Variants in NKAIN3 observed in about 807,000 individuals in gnomAD.
NKAIN3 encodes sodium/potassium transporting ATPase interacting 3.
Under a neutral mutation model 30.2 loss-of-function variants are expected in NKAIN3, and 25 were observed. The observed-to-expected ratio is 0.83, with a 90% confidence interval of 0.60 to 1.16. NKAIN3 has a LOEUF of 1.16. Among genes scored for constraint, NKAIN3 ranks in the 50% most tolerant of loss-of-function variants. The probability of loss-of-function intolerance (pLI) is 0.00; values close to 1 mark genes in which losing one functional copy is unlikely to be tolerated. For missense variants in NKAIN3, 225 were observed against 254.1 expected, an observed-to-expected ratio of 0.89 and a Z score of 0.78; for synonymous variants, 91 against 89.6, an observed-to-expected ratio of 1.02 and a Z score of -0.09.
chr8:62,808,052 G>T (rs1223198340), intron 4 of NKAIN3, among the ~76,000 whole-genome samples: 1 of 151,948 alleles, frequency 6.6e-6, no homozygotes, highest in Admixed American at 6.6e-5. Context: ...ACACAATAAA[G>T]TCTTTATAGC....
At chr8:62,880,358 A>G (rs1820936601) in intron 4 of NKAIN3, among the ~76,000 whole-genome samples, 1 of 152,144 alleles carries the variant, frequency 6.6e-6, no homozygotes, top group Non-Finnish European at 1.5e-5. Context: ...CTCCAATCAG[A>G]TGACTTAACA....
intron 3 of NKAIN3, among the ~76,000 whole-genome samples, chr8:62,740,178 A>G (rs772378614): frequency 1.4e-4 from 22 of 152,346 alleles, no homozygotes; most frequent in Admixed American, 1.2e-3. Context: ...TTAGAAAAAT[A>G]AGACATTTGC....
At chr8:62,569,659 C>G (rs989480100) in intron 1 of NKAIN3, among the ~76,000 whole-genome samples, 1 of 151,958 alleles carries the variant, frequency 6.6e-6, no homozygotes, top group Non-Finnish European at 1.5e-5. Flanking sequence ...ACCTGTATTC[C>G]CAGCTGCTTT....
At chr8:62,684,605 C>T (rs536994402) in intron 3 of NKAIN3, among the ~76,000 whole-genome samples, 22 of 152,304 alleles carry the variant, frequency 1.4e-4, no homozygotes, top group Non-Finnish European at 3.1e-4. Flanking sequence ...TACCTAACAC[C>T]TCTGTTCTCA....
chr8:62,703,381 A>G (rs1008646063), intron 3 of NKAIN3, among the ~76,000 whole-genome samples: 1 of 152,192 alleles, frequency 6.6e-6, no homozygotes, highest in East Asian at 1.9e-4. Flanking sequence ...ATAATTATTA[A>G]AGCTAGGCTT....
chr8:62,314,109 C>T (rs183077594), intron 1 of NKAIN3, among the ~76,000 whole-genome samples: 43 of 152,148 alleles, frequency 2.8e-4, no homozygotes, highest in East Asian at 1.5e-3. Context: ...CAAGTTTCTT[C>T]CCAGGCACTC....
intron 1 of NKAIN3, among the ~76,000 whole-genome samples, chr8:62,318,381 C>T (rs541795472): frequency 6.6e-6 from 1 of 152,270 alleles, no homozygotes; most frequent in East Asian, 1.9e-4. Flanking sequence ...TGCCAGCTTT[C>T]AAAGGGAATG....
chr8:62,351,726 T>C (rs906659471), intron 1 of NKAIN3, among the ~76,000 whole-genome samples: 4 of 152,184 alleles, frequency 2.6e-5, no homozygotes, highest in African/African-American at 9.6e-5. Flanking sequence ...CATCATAATA[T>C]GAAATTGACC....
At chr8:62,642,916 AAAAT>A in intron 3 of NKAIN3, among the ~76,000 whole-genome samples, 1 of 152,280 alleles carries the variant, frequency 6.6e-6, no homozygotes, top group African/African-American at 2.4e-5. Context: ...AAGATTGAAT[AAAAT>A]AAAAAATTTA....
intron 3 of NKAIN3, among the ~76,000 whole-genome samples, chr8:62,633,342 A>G (rs1351742055): frequency 2.0e-5 from 3 of 152,186 alleles, no homozygotes; most frequent in African/African-American, 4.8e-5. Context: ...TGTCACTAAC[A>G]TAGGGTCCTG....
At chr8:62,614,046 G>T (rs1029586628) in intron 3 of NKAIN3, among the ~76,000 whole-genome samples, 2 of 152,014 alleles carry the variant, frequency 1.3e-5, no homozygotes, top group African/African-American at 4.8e-5. Context: ...ATTTGGTGAG[G>T]TTATATTTTT....
intron 4 of NKAIN3, among the ~76,000 whole-genome samples, chr8:62,797,495 T>G (rs1817899277): frequency 6.6e-6 from 1 of 152,206 alleles, no homozygotes; most frequent in Non-Finnish European, 1.5e-5. Flanking sequence ...GGAGTGCCCT[T>G]CCATTGTTTA....
intron 5 of NKAIN3, among the ~76,000 whole-genome samples, chr8:62,996,966 G>T (rs1804130993): frequency 6.6e-6 from 1 of 152,156 alleles, no homozygotes; most frequent in Non-Finnish European, 1.5e-5. Context: ...CACGGTGCAA[G>T]CTGTCGGTGG....
chr8:62,848,267 G>C (rs150476257), intron 4 of NKAIN3, among the ~76,000 whole-genome samples: 78 of 152,300 alleles, frequency 5.1e-4, no homozygotes, highest in African/African-American at 1.8e-3. Flanking sequence ...GCTTTGGGCA[G>C]TATGGCCGTT....
chr8:62,829,102 T>C (rs551394900), intron 4 of NKAIN3, among the ~76,000 whole-genome samples: 33 of 152,318 alleles, frequency 2.2e-4, no homozygotes, highest in African/African-American at 7.7e-4. Flanking sequence ...ATAATAGATA[T>C]GTTTGTTATA....
intron 5 of NKAIN3, among the ~76,000 whole-genome samples, chr8:62,924,555 C>T (rs1822383310): frequency 2.0e-5 from 3 of 152,150 alleles, no homozygotes; most frequent in African/African-American, 2.4e-5. Context: ...CTTTTCTCCT[C>T]TCTATCTCCA....
intron 1 of NKAIN3, among the ~76,000 whole-genome samples, chr8:62,556,733 G>A (rs1809403976): frequency 6.6e-6 from 1 of 151,680 alleles, no homozygotes; most frequent in Non-Finnish European, 1.5e-5. Flanking sequence ...TTGTCAAAAA[G>A]TATAGCCATT....
intron 2 of NKAIN3, among the ~76,000 whole-genome samples, chr8:62,580,049 A>G (rs1023258213): frequency 1.2e-4 from 19 of 152,218 alleles, no homozygotes; most frequent in African/African-American, 4.6e-4. Context: ...TTTCAGTGAC[A>G]TTTGTCACTA....
At chr8:62,649,804 T>C (rs1275904123) in intron 3 of NKAIN3, among the ~76,000 whole-genome samples, 2 of 152,156 alleles carry the variant, frequency 1.3e-5, no homozygotes, top group African/African-American at 2.4e-5. Context: ...GGGCCTCACC[T>C]GAGGAACAGG....
Sources: allele counts gnomAD v4.1 joint callset (sites outside exome capture counted in the v4.1 genomes callset), GRCh38; gene constraint gnomAD v4.1.1; transcripts MANE v1.5; gene names NCBI Gene and HGNC (gene_info 2026-07-23, HGNC 2026-07-21).